CERS6: variants seen among roughly 807,000 people sequenced by gnomAD.
The protein encoded by CERS6 is ceramide synthase 6.
CERS6 carries 26 observed loss-of-function variants against 56.8 expected under a neutral mutation model. That is an observed-to-expected ratio of 0.46 (90% CI 0.34 to 0.63). CERS6 has a LOEUF of 0.63. Among genes scored for constraint, CERS6 ranks in the 30% least tolerant of loss-of-function variants. CERS6 has a pLI of 0.01. For missense variants in CERS6, 415 were observed against 467.5 expected, an observed-to-expected ratio of 0.89 and a Z score of 1.04; for synonymous variants, 164 against 173.3, an observed-to-expected ratio of 0.95 and a Z score of 0.42.
At chr2:168,532,218 C>T (rs1469022451) in intron 1 of CERS6, among the ~76,000 whole-genome samples, 2 of 152,118 alleles carry the variant, frequency 1.3e-5, no homozygotes, top group African/African-American at 4.8e-5. Context: ...CTGTCCCATT[C>T]CAGTTGCTCC....
At chr2:168,644,399 C>T (rs1056598885) in intron 4 of CERS6, 2 of 974,496 alleles carry the variant, frequency 2.1e-6, no homozygotes, top group African/African-American at 3.5e-5. Flanking sequence ...TGATGAGAGG[C>T]AAGTGAGGCA....
At chr2:168,697,384 A>C (rs1003695963) in intron 6 of CERS6, among the ~76,000 whole-genome samples, 1 of 152,178 alleles carries the variant, frequency 6.6e-6, no homozygotes, top group Non-Finnish European at 1.5e-5. Flanking sequence ...TCTGTCCTAC[A>C]TGAGGGAGCC....
At chr2:168,466,464 C>G (rs548513829) in intron 1 of CERS6, among the ~76,000 whole-genome samples, 1 of 152,188 alleles carries the variant, frequency 6.6e-6, no homozygotes, top group East Asian at 1.9e-4. Flanking sequence ...GTTTAATTTT[C>G]CATGCATTTT....
chr2:168,685,068 A>G lies in CERS6; in HGVS notation c.466-5966A>G, dbSNP rs145352135. On this transcript the variant is annotated intron_variant, in intron 4 of 9. Transcript: ENST00000305747. ...GTATTTTTAAACATAATCCAACTAC[A>G]TAGAGAACAAATGTCTGTTAGACTA... is the stretch of plus-strand genomic sequence containing the variant. Among the ~76,000 whole-genome samples the G allele has an allele frequency of 6.3e-4, 96 of 152,358 alleles. 1 individual carries two copies. Among genetic ancestry groups the G allele is most frequent in the East Asian group, 3.5e-3 (18 of 5,192 alleles).
intron 4 of CERS6, among the ~76,000 whole-genome samples, chr2:168,677,203 T>C (rs577738860): frequency 6.6e-6 from 1 of 152,004 alleles, no homozygotes; most frequent in East Asian, 1.9e-4. Context: ...TGGTGTGTGA[T>C]GTTCCTCTCC....
intron 4 of CERS6, among the ~76,000 whole-genome samples, chr2:168,687,426 A>T (rs926114307): frequency 6.6e-5 from 10 of 152,202 alleles, no homozygotes; most frequent in Non-Finnish European, 1.3e-4. Flanking sequence ...TAATAGCATG[A>T]GTATCAACTG....
intron 4 of CERS6, among the ~76,000 whole-genome samples, chr2:168,666,523 A>G (rs1685766297): frequency 6.6e-6 from 1 of 152,158 alleles, no homozygotes; most frequent in Admixed American, 6.5e-5. Flanking sequence ...TCTGAATCAT[A>G]TTCCATTGTG....
intron 4 of CERS6, among the ~76,000 whole-genome samples, chr2:168,674,263 C>T (rs933546024): frequency 5.3e-5 from 8 of 152,164 alleles, no homozygotes; most frequent in Admixed American, 3.3e-4. Context: ...CTTAACTCAA[C>T]ATAAATTCAT....
intron 1 of CERS6, among the ~76,000 whole-genome samples, chr2:168,506,024 A>G (rs1365375250): frequency 6.6e-6 from 1 of 152,108 alleles, no homozygotes; most frequent in African/African-American, 2.4e-5. Context: ...TTTCTTCCTG[A>G]CATTTGAATG....
chr2:168,642,699 C>T (rs899804085), intron 4 of CERS6, among the ~76,000 whole-genome samples: 1 of 152,214 alleles, frequency 6.6e-6, no homozygotes, highest in Non-Finnish European at 1.5e-5. Context: ...GGAGCATAAC[C>T]ATTTTAGCAT....
At chr2:168,620,585 A>G (rs1015758328) in intron 3 of CERS6, among the ~76,000 whole-genome samples, 1 of 152,092 alleles carries the variant, frequency 6.6e-6, no homozygotes, top group Non-Finnish European at 1.5e-5. Context: ...AGATAAAGAA[A>G]CTAAAGACAT....
intron 8 of CERS6, among the ~76,000 whole-genome samples, chr2:168,738,656 T>A (rs1469374137): frequency 6.6e-6 from 1 of 152,192 alleles, no homozygotes; most frequent in Non-Finnish European, 1.5e-5. Flanking sequence ...ACAGATTTTT[T>A]ATAAGTTGTT....
rs150724635 is a variant in CERS6, at chr2:168,520,598, C to CTTTTTTTTTTTTTTTTTTTTT, written c.171-26989_171-26969dup. On this transcript the variant is annotated intron_variant, in intron 1 of 9. Transcript: ENST00000305747. Reference sequence around the variant, plus strand: ...TTAACTCTTTAACATTTACAATATCCTTTTTTTTTTTTTTTTTTTTTTTTT... The same window carrying CTTTTTTTTTTTTTTTTTTTTT: ...TTAACTCTTTAACATTTACAATATCCTTTTTTTTTTTTTTTTTTTTTTTTTTTTTTTTTTTTTTTTTTTTTT... 6.9e-3 allele frequency among the ~76,000 whole-genome samples: 399 copies of CTTTTTTTTTTTTTTTTTTTTT among 57,922 alleles called. 74 individuals carry two copies. Among genetic ancestry groups the CTTTTTTTTTTTTTTTTTTTTT allele is most frequent in the Non-Finnish European group, 9.9e-3 (306 of 31,034 alleles). 38.0% of individuals were successfully genotyped at this position (57,922 alleles called of 152,430 possible). A position where few individuals can be genotyped will look rare whatever the true frequency, so the allele number is the denominator to read the frequency against.
chr2:168,703,861 A>G (rs1686866791), intron 6 of CERS6, among the ~76,000 whole-genome samples: 1 of 152,124 alleles, frequency 6.6e-6, no homozygotes, highest in Admixed American at 6.5e-5. Flanking sequence ...AGATATTCCC[A>G]ATCTTAGGCC....
chr2:168,761,105 CT>C (rs201582798), intron 8 of CERS6, among the ~76,000 whole-genome samples: 2,149 of 152,262 alleles, frequency 0.014, 24 homozygotes, highest in African/African-American at 0.028. Flanking sequence ...TCTCTGTTCC[CT>C]AGTATAAATT....
intron 3 of CERS6, among the ~76,000 whole-genome samples, chr2:168,598,178 G>A (rs566574617): frequency 3.2e-4 from 48 of 152,290 alleles, no homozygotes; most frequent in African/African-American, 1.1e-3. Flanking sequence ...GCTTCCATCA[G>A]CTGACCTTCT....
chr2:168,566,179 G>C lies in CERS6; in HGVS notation c.407+4857G>C, dbSNP rs567940551. ...AGGTCTGGGAGGAAATATAATACAG[G>C]GCTTTTATTTAAGCAGTCTCAAAGA... On this transcript the variant is annotated intron_variant, in intron 3 of 9. Transcript: ENST00000305747. Among the ~76,000 whole-genome samples the C allele has an allele frequency of 2.2e-4, 33 of 152,146 alleles. No individual in the cohort carries two copies. In the South Asian group the frequency reaches 5.6e-3, roughly 26 times the overall value.
intron 4 of CERS6, among the ~76,000 whole-genome samples, chr2:168,678,022 A>G (rs1024066818): frequency 6.6e-6 from 1 of 152,226 alleles, no homozygotes; most frequent in African/African-American, 2.4e-5. Flanking sequence ...TAGAATGGCA[A>G]TCATTAAAAA....
At chr2:168,703,914 GC>G (rs745863026) in intron 6 of CERS6, among the ~76,000 whole-genome samples, 8 of 152,110 alleles carry the variant, frequency 5.3e-5, no homozygotes, top group African/African-American at 9.7e-5. Context: ...CAGAATATAA[GC>G]AGGGAAAAAG....
Sources: gnomAD v4.1 joint callset for allele counts (sites outside exome capture counted in the v4.1 genomes callset) on GRCh38, gnomAD v4.1.1 for gene constraint, MANE v1.5 for transcripts, NCBI Gene and HGNC (gene_info 2026-07-23, HGNC 2026-07-21) for gene names.